Variants in MSR1 observed in about 807,000 individuals in gnomAD.
MSR1 encodes macrophage scavenger receptor types I and II.
Under a neutral mutation model 47.2 loss-of-function variants are expected in MSR1, and 53 were observed. That is an observed-to-expected ratio of 1.12 (90% CI 0.90 to 1.41). The LOEUF is 1.41. MSR1 is among the 40% of genes most tolerant of loss of function. The probability of loss-of-function intolerance (pLI) is 0.00; values close to 1 mark genes in which losing one functional copy is unlikely to be tolerated. For synonymous variants in MSR1, 239 were observed against 185.6 expected (o/e 1.29, Z -2.34); for missense variants, 786 against 546.9 (o/e 1.44, Z -4.36).
intron 1 of MSR1, among the ~76,000 whole-genome samples, chr8:16,184,188 T>C (rs1272982373): frequency 6.6e-6 from 1 of 151,930 alleles, no homozygotes; most frequent in Non-Finnish European, 1.5e-5. Flanking sequence ...AAAACAAAGA[T>C]TTAAAAAGCC....
chr8:16,121,071 A>G (rs1799994555), intron 8 of MSR1: 2 of 382,396 alleles, frequency 5.2e-6, no homozygotes, highest in East Asian at 8.0e-5. Context: ...CATAAACACA[A>G]AAATAGGTGA....
At chr8:16,184,693 T>C (rs1016497155) in intron 1 of MSR1, among the ~76,000 whole-genome samples, 1 of 152,222 alleles carries the variant, frequency 6.6e-6, no homozygotes, top group East Asian at 1.9e-4. Context: ...GGATTAATAT[T>C]ATTAGTGAGA....
chr8:16,189,359 T>TTTTATATATATAAAATCTTA (rs1563175442), intron 1 of MSR1, among the ~76,000 whole-genome samples: 2 of 89,892 alleles, frequency 2.2e-5, no homozygotes, highest in Admixed American at 1.5e-4. Flanking sequence ...ATTTTATATA[T>TTTTATATATATAAAATCTTA]TTTTATATAT....
intron 2 of MSR1, among the ~76,000 whole-genome samples, chr8:16,175,594 A>C (rs2117203157): frequency 6.6e-6 from 1 of 152,326 alleles, no homozygotes; most frequent in African/African-American, 2.4e-5. Context: ...GTAAATTTTA[A>C]TATCGACACT....
chr8:16,152,904 A>G (rs1408123871), intron 6 of MSR1, among the ~76,000 whole-genome samples: 5 of 152,122 alleles, frequency 3.3e-5, no homozygotes, highest in Non-Finnish European at 2.9e-5. Context: ...TGCTCAGCAC[A>G]TAGTTTTTGA....
chr8:16,190,762 C>A (rs1585206271), intron 1 of MSR1, among the ~76,000 whole-genome samples: 1 of 144,002 alleles, frequency 6.9e-6, no homozygotes, highest in Non-Finnish European at 1.5e-5. Context: ...GCTCTTGTTG[C>A]CCAGGCTGGA....
intron 5 of MSR1, among the ~76,000 whole-genome samples, chr8:16,159,889 A>G (rs541410686): frequency 6.6e-6 from 1 of 152,164 alleles, no homozygotes; most frequent in Admixed American, 6.6e-5. Flanking sequence ...GATAAACAAG[A>G]TATCTTCGAA....
At position 16,122,413 on chromosome 8, in the gene MSR1, T is replaced by C. The variant is rs557238734; in HGVS notation, c.1034-1807A>G. On this transcript the variant is annotated intron_variant, in intron 8 of 9. Transcript: ENST00000262101. ...GTCAAATATATCCAAACATAATATA[T>C]TTATCATGCATGCATGCTATGAAAA... 2.4e-4 allele frequency among the ~76,000 whole-genome samples: 37 copies of C among 152,256 alleles called. No homozygotes were observed. The South Asian group carries it at 7.5e-3, about 31-fold the overall frequency.
At chr8:16,166,806 C>T (rs185721133) in intron 4 of MSR1, among the ~76,000 whole-genome samples, 90 of 152,184 alleles carry the variant, frequency 5.9e-4, no homozygotes, top group African/African-American at 1.9e-3. Context: ...TTTCCTCAAA[C>T]GCCATTTACA....
At position 16,164,147 on chromosome 8, in the gene MSR1, T is replaced by G; in HGVS notation, c.735A>C (p.Lys245Asn). The G allele has an allele frequency of 6.2e-7, 1 of 1,612,138 alleles. No individual in the cohort carries two copies. Among genetic ancestry groups the G allele is most frequent in the Non-Finnish European group, 8.5e-7 (1 of 1,178,688 alleles). Residue 245 changes from lysine to asparagine, a missense_variant, in exon 5 of 10, where the codon AAA becomes AAC. Physicochemically the swap from Lys to Asn is moderately conservative, Grantham distance 94. Coordinates refer to ENST00000262101, the MANE Select transcript of MSR1 (RefSeq NM_138715.3). ...HLEQEIKGEV[K>N]VLNNITNDLR... ...GATCATTAGTGATGTTATTCAGTAC[T>G]TTCACTTCTCCTTTTATTTCCTGTT...
In MSR1 at chr8:16,143,742, T is replaced by G. The variant is rs112481839; in HGVS notation, c.980-131A>C. The G allele has an allele frequency of 5.8e-4, 395 of 680,272 alleles. 2 individuals are homozygous for G. The African/African-American group carries it at 6.0e-3, about 10-fold the overall frequency. The allele number at this position is 680,272 out of a possible 1,614,324, so 42.1% of individuals were successfully genotyped here. A position where few individuals can be genotyped will look rare whatever the true frequency, so the allele number is the denominator to read the frequency against. ...CAGATATTGAAATGTATAATAACATTGTATAATGTTAACAATAATAATAGT... is the reference window on the plus strand; with the variant it reads ...CAGATATTGAAATGTATAATAACATGGTATAATGTTAACAATAATAATAGT... On this transcript the variant is annotated intron_variant, in intron 7 of 9. Transcript: ENST00000262101.
At chr8:16,154,838 T>A (rs1033740560) in intron 6 of MSR1, among the ~76,000 whole-genome samples, 1 of 151,940 alleles carries the variant, frequency 6.6e-6, no homozygotes, top group Non-Finnish European at 1.5e-5. Context: ...TCAACAGTCA[T>A]GAGTAATGCT....
At chr8:16,133,788 A>T (rs530313029) in intron 8 of MSR1, among the ~76,000 whole-genome samples, 2 of 152,226 alleles carry the variant, frequency 1.3e-5, no homozygotes, top group East Asian at 3.9e-4. Context: ...TATTGACCCC[A>T]CTTATTTAAG....
Position 16,120,383 on chromosome 8 carries a change from C to T in MSR1, c.1222+35G>A, listed in dbSNP as rs370966624. On this transcript the variant is annotated intron_variant, in intron 9 of 9. Transcript: ENST00000262101. ...CAGAATGAGACTCTGTCTGAAACAA[C>T]AACAACAAACCTCACAAGATTTTCT... The T allele has an allele frequency of 7.1e-5, 114 of 1,610,286 alleles. 2 individuals are homozygous for T. The highest frequency in any genetic ancestry group is 9.4e-5 in the Non-Finnish European group (111 of 1,177,244).
chr8:16,148,895 T>G (rs969440131), intron 7 of MSR1, among the ~76,000 whole-genome samples: 8 of 152,110 alleles, frequency 5.3e-5, no homozygotes, highest in African/African-American at 1.9e-4. Context: ...AGAGAAACCT[T>G]ACATTCATAT....
chr8:16,153,521 T>G, intron 6 of MSR1, among the ~76,000 whole-genome samples: 1 of 151,990 alleles, frequency 6.6e-6, no homozygotes, highest in South Asian at 2.1e-4. Flanking sequence ...CATCACTTTT[T>G]ACCCTGTAAA....
chr8:16,116,158 G>A (rs1351939635), intron 9 of MSR1, among the ~76,000 whole-genome samples: 1 of 152,154 alleles, frequency 6.6e-6, no homozygotes, highest in Non-Finnish European at 1.5e-5. Flanking sequence ...TCCTTCAGTA[G>A]TGAGCAATAC....
At chr8:16,163,255 T>C (rs1442598139) in intron 5 of MSR1, among the ~76,000 whole-genome samples, 1 of 151,714 alleles carries the variant, frequency 6.6e-6, no homozygotes, top group Non-Finnish European at 1.5e-5. Context: ...CCAGAGCACA[T>C]GATAAGATAG....
In MSR1 at chr8:16,189,359, T is replaced by TATACATAAAA. The variant is rs559982671; in HGVS notation, c.-5+3238_-5+3239insTTTTATGTAT. On this transcript the variant is annotated intron_variant, in intron 1 of 9. Coordinates refer to ENST00000262101, the MANE Select transcript of MSR1 (RefSeq NM_138715.3). ...TATATATAAAATCTTATTTTATATATTTTTATATATATTTTATATATATAA... is the reference window on the plus strand; with the variant it reads ...TATATATAAAATCTTATTTTATATATATACATAAAATTTTATATATATTTTATATATATAA... Among the ~76,000 whole-genome samples the TATACATAAAA allele has an allele frequency of 4.4e-3, 392 of 89,056 alleles. 1 individual carries two copies. Among genetic ancestry groups the TATACATAAAA allele is most frequent in the African/African-American group, 8.7e-3 (122 of 14,070 alleles). The allele number at this position is 89,056 out of a possible 152,430, so 58.4% of individuals were successfully genotyped here.
Sources: gnomAD v4.1 joint callset for allele counts (sites outside exome capture counted in the v4.1 genomes callset) on GRCh38, gnomAD v4.1.1 for gene constraint, MANE v1.5 for transcripts, NCBI Gene and HGNC (gene_info 2026-07-23, HGNC 2026-07-21) for gene names.